CPEB1: variants seen among roughly 807,000 people sequenced by gnomAD.
The protein encoded by CPEB1 is cytoplasmic polyadenylation element-binding protein 1.
A neutral mutation model predicts 65.8 loss-of-function variants in CPEB1; 7 were observed. The observed-to-expected ratio is 0.11, with a 90% CI of 0.06 to 0.20. CPEB1 has a LOEUF of 0.20. Among genes scored for constraint, CPEB1 ranks in the 10% least tolerant of loss-of-function variants. The pLI, the probability that CPEB1 is intolerant of heterozygous loss-of-function variation, is 1.00. For missense variants in CPEB1, 551 were observed against 712.2 expected (o/e 0.77, Z 2.58); for synonymous variants, 262 against 260.0 (o/e 1.01, Z -0.08).
chr15:82,605,479 A>G (rs1366308097), intron 3 of CPEB1, among the ~76,000 whole-genome samples: 3 of 152,218 alleles, frequency 2.0e-5, no homozygotes, highest in Non-Finnish European at 4.4e-5. Flanking sequence ...GAATGACGGT[A>G]ACTATAGTTG....
chr15:82,637,642 C>G (rs998959476), intron 1 of CPEB1, among the ~76,000 whole-genome samples: 1 of 152,078 alleles, frequency 6.6e-6, no homozygotes, highest in Admixed American at 6.5e-5. Flanking sequence ...TTTTTTCAAA[C>G]CAAGTTCACT....
At chr15:82,599,590 G>A (rs914630792) in intron 3 of CPEB1, among the ~76,000 whole-genome samples, 4 of 152,048 alleles carry the variant, frequency 2.6e-5, no homozygotes, top group Non-Finnish European at 5.9e-5. Flanking sequence ...CAAAATACCA[G>A]AACACAAAAG....
chr15:82,614,984 T>C (rs111405463), intron 3 of CPEB1, among the ~76,000 whole-genome samples: 9 of 152,214 alleles, frequency 5.9e-5, no homozygotes, highest in East Asian at 1.9e-4. Context: ...ATGTGCATCA[T>C]TGTAGATAGT....
At chr15:82,574,618 G>A (rs867572387) in intron 3 of CPEB1, among the ~76,000 whole-genome samples, 3 of 150,682 alleles carry the variant, frequency 2.0e-5, no homozygotes, top group Middle Eastern at 3.4e-3. Context: ...CTACTTAGGA[G>A]GCTGAGGCAG....
At chr15:82,638,238 G>A (rs1265772346) in intron 1 of CPEB1, among the ~76,000 whole-genome samples, 1 of 152,082 alleles carries the variant, frequency 6.6e-6, no homozygotes, top group Non-Finnish European at 1.5e-5. Context: ...TTACAATATG[G>A]AATCTGAAAC....
chr15:82,629,555 T>G, intron 1 of CPEB1: 1 of 985,362 alleles, frequency 1.0e-6, no homozygotes, highest in Non-Finnish European at 1.2e-6. Context: ...AAAGCAGAAA[T>G]GTAGGTACCA....
chr15:82,633,780 G>A (rs2046442417), intron 1 of CPEB1, among the ~76,000 whole-genome samples: 1 of 152,132 alleles, frequency 6.6e-6, no homozygotes, highest in Admixed American at 6.5e-5. Context: ...CATCAACTAG[G>A]ACAACAAAGG....
chr15:82,555,034 T>A (rs1382358989), intron 6 of CPEB1, among the ~76,000 whole-genome samples: 2 of 152,174 alleles, frequency 1.3e-5, no homozygotes, highest in African/African-American at 4.8e-5. Context: ...CACTGAAGCC[T>A]ATGGAAACAA....
chr15:82,564,200 C>T (rs1056281534), intron 4 of CPEB1, among the ~76,000 whole-genome samples: 2 of 152,314 alleles, frequency 1.3e-5, no homozygotes, highest in Non-Finnish European at 1.5e-5. Context: ...ACAGAGAGTA[C>T]GTATTCCATA....
chr15:82,606,469 C>CAAAAAA (rs1322114993), intron 3 of CPEB1, among the ~76,000 whole-genome samples: 1 of 52,628 alleles, frequency 1.9e-5, no homozygotes, highest in African/African-American at 7.3e-5. Flanking sequence ...TACTCCGTCT[C>CAAAAAA]AAAAAAAAAA....
intron 3 of CPEB1, among the ~76,000 whole-genome samples, chr15:82,579,772 C>T (rs1426410004): frequency 6.6e-6 from 1 of 150,784 alleles, no homozygotes; most frequent in Non-Finnish European, 1.5e-5. Flanking sequence ...ATTAGCCGGG[C>T]GCAGTGGCGG....
At chr15:82,610,310 T>C (rs998632222) in intron 3 of CPEB1, among the ~76,000 whole-genome samples, 1 of 152,144 alleles carries the variant, frequency 6.6e-6, no homozygotes. Flanking sequence ...ATTATTCACA[T>C]GTACTTTTCC....
chr15:82,576,208 T>G (rs776426945), intron 3 of CPEB1, among the ~76,000 whole-genome samples: 1 of 152,194 alleles, frequency 6.6e-6, no homozygotes, highest in Non-Finnish European at 1.5e-5. Flanking sequence ...AAGTTACATA[T>G]GTATATAATT....
At chr15:82,593,863 G>A (rs1479524672) in intron 3 of CPEB1, among the ~76,000 whole-genome samples, 2 of 152,192 alleles carry the variant, frequency 1.3e-5, no homozygotes, top group African/African-American at 4.8e-5. Context: ...CATTGTTAAT[G>A]AGCAGTAATA....
chr15:82,580,735 C>T (rs1286771588), intron 3 of CPEB1, among the ~76,000 whole-genome samples: 1 of 152,136 alleles, frequency 6.6e-6, no homozygotes, highest in Non-Finnish European at 1.5e-5. Context: ...ATGAATTTGA[C>T]TATTGTAGGG....
chr15:82,553,768 C>T, intron 7 of CPEB1, 110 bp downstream of exon 7: 1 of 834,296 alleles, frequency 1.2e-6, no homozygotes, highest in Non-Finnish European at 2.0e-6. Context: ...TCATGTAATA[C>T]CCTGAGCTCA....
intron 1 of CPEB1, among the ~76,000 whole-genome samples, chr15:82,641,993 T>G (rs1205303853): frequency 6.6e-6 from 1 of 152,220 alleles, no homozygotes; most frequent in Non-Finnish European, 1.5e-5. Context: ...GGATACTAAC[T>G]TTTTACAGCA....
chr15:82,553,100 A>G lies in CPEB1; in HGVS notation c.1144+367T>C, dbSNP rs905005703. ...TTCCTGCCAACTCCAAAGGGACTTCAGAATTAGGTCAGGCAACAACGTAAC... is the reference window on the plus strand; with the variant it reads ...TTCCTGCCAACTCCAAAGGGACTTCGGAATTAGGTCAGGCAACAACGTAAC... On this transcript the variant is annotated intron_variant, in intron 8 of 12. Coordinates refer to ENST00000684509, the MANE Select transcript of CPEB1 (RefSeq NM_001365242.1). 2.0e-5 allele frequency among the ~76,000 whole-genome samples: 3 copies of G among 152,250 alleles called. No homozygotes were observed. The East Asian group carries it at 5.8e-4, about 29-fold the overall frequency.
At chr15:82,644,814 T>C (rs762032952) in intron 1 of CPEB1, among the ~76,000 whole-genome samples, 2 of 152,236 alleles carry the variant, frequency 1.3e-5, no homozygotes, top group Non-Finnish European at 2.9e-5. Flanking sequence ...AACTAATGGT[T>C]GTGCTCAGTG....
Sources: gnomAD v4.1 joint callset for allele counts (sites outside exome capture counted in the v4.1 genomes callset) on GRCh38, gnomAD v4.1.1 for gene constraint, MANE v1.5 for transcripts, NCBI Gene and HGNC (gene_info 2026-07-23, HGNC 2026-07-21) for gene names.